The following SAXO1 variants were observed in gnomAD, a reference collection of about 807,000 sequenced individuals.
SAXO1 encodes the protein 4930500O09Rik.
A neutral mutation model predicts 17.5 loss-of-function variants in SAXO1; 21 were observed. The observed-to-expected ratio is 1.20, with a 90% CI of 0.85 to 1.72. The LOEUF is 1.72. Among genes scored for constraint, SAXO1 ranks in the 40% most tolerant of loss-of-function variants. SAXO1 has a pLI of 0.00. For missense variants in SAXO1, 843 were observed against 596.0 expected (o/e 1.41, Z -4.32); for synonymous variants, 274 against 216.5 (o/e 1.27, Z -2.33).
chr9:18,995,952 G>A (rs537553379), intron 1 of SAXO1, among the ~76,000 whole-genome samples: 3 of 151,888 alleles, frequency 2.0e-5, no homozygotes, highest in South Asian at 2.1e-4. Flanking sequence ...GGTGGTGTAC[G>A]CCTGTAATCC....
At chr9:18,986,108 T>C (rs1833582042) in intron 1 of SAXO1, among the ~76,000 whole-genome samples, 1 of 152,218 alleles carries the variant, frequency 6.6e-6, no homozygotes, top group Non-Finnish European at 1.5e-5. Flanking sequence ...ACTAATGGGC[T>C]TTTCTAGCTT....
At chr9:19,023,870 C>A (rs1835356964) in intron 1 of SAXO1, among the ~76,000 whole-genome samples, 1 of 151,950 alleles carries the variant, frequency 6.6e-6, no homozygotes, top group Non-Finnish European at 1.5e-5. Context: ...GGGGGCCAGG[C>A]ACAGTAGCTC....
At chr9:19,004,465 C>G (rs1183851522) in intron 1 of SAXO1, among the ~76,000 whole-genome samples, 1 of 152,174 alleles carries the variant, frequency 6.6e-6, no homozygotes, top group African/African-American at 2.4e-5. Flanking sequence ...TGGAACCAAC[C>G]CAAATGTCCA....
chr9:19,027,748 G>T lies in SAXO1; in HGVS notation c.38+5123C>A, dbSNP rs1013980951. ...ACAGCGAGAAGTCCGGGGACCGAGA[G>T]GTGCAGAGGACGATGCTGGAGCTTC... On this transcript the variant is annotated intron_variant, in intron 1 of 3. Transcript: ENST00000380534. 36 of 1,481,176 alleles carry T rather than the reference G, an allele frequency of 2.4e-5. No individual in the cohort carries two copies. In the African/African-American group the frequency reaches 5.0e-4, roughly 20 times the overall value. 91.8% of individuals were successfully genotyped at this position (1,481,176 alleles called of 1,614,324 possible).
chr9:19,010,012 A>G (rs1371121292), intron 1 of SAXO1, among the ~76,000 whole-genome samples: 1 of 152,008 alleles, frequency 6.6e-6, no homozygotes, highest in African/African-American at 2.4e-5. Flanking sequence ...TATTTTTTGT[A>G]GAGACAGGGT....
intron 1 of SAXO1, among the ~76,000 whole-genome samples, chr9:18,983,461 G>A (rs979049315): frequency 3.3e-5 from 5 of 152,174 alleles, no homozygotes; most frequent in African/African-American, 4.8e-5. Context: ...GGGACACAGA[G>A]CCAAACCATA....
In SAXO1 at chr9:18,928,905, A is replaced by G; in HGVS notation, c.572T>C (p.Leu191Pro). Reference sequence around the variant, plus strand: ...GATGTTACAGAGCTTTGGCATGGCCAGAGGTTTACAGCTTATGGTCTTCAC... The same window carrying G: ...GATGTTACAGAGCTTTGGCATGGCCGGAGGTTTACAGCTTATGGTCTTCAC... Reference protein sequence around the residue: ...GLVKTISCKPLAMPKLCNIPL... With the variant: ...GLVKTISCKPPAMPKLCNIPL... The change falls in exon 4 of 4, where the codon CTG (leucine) becomes CCG (proline). Residue 191 changes from leucine to proline, a missense_variant. By Grantham distance (98) the Leu-to-Pro change is moderately conservative. Coordinates refer to ENST00000380534, the MANE Select transcript of SAXO1 (RefSeq NM_153707.4). 1 of 1,614,200 alleles carries G rather than the reference A, an allele frequency of 6.2e-7. No homozygotes were observed. The highest frequency in any genetic ancestry group is 8.5e-7 in the Non-Finnish European group (1 of 1,180,036).
At chr9:18,995,734 A>T (rs764421335) in intron 1 of SAXO1, among the ~76,000 whole-genome samples, 57 of 152,350 alleles carry the variant, frequency 3.7e-4, no homozygotes, top group Admixed American at 5.9e-4. Flanking sequence ...AAAAATAAAG[A>T]AAATAAAAAC....
In SAXO1 at chr9:18,928,512, C is replaced by T; in HGVS notation, c.965G>A (p.Cys322Tyr). The change falls in exon 4 of 4, where the codon TGC (cysteine) becomes TAC (tyrosine). Residue 322 changes from cysteine (C) to tyrosine (Y), a missense_variant. Cys to Tyr is a radical substitution (Grantham distance 194). Coordinates refer to ENST00000380534, the MANE Select transcript of SAXO1 (RefSeq NM_153707.4). ...TCPKGAPAQS[C>Y]RPALQIKKCG... ...CTTCTTAATCTGAAGTGCAGGTCGG[C>T]AGGACTGAGCTGGGGCACCCTTAGG... 2.5e-6 allele frequency: 4 copies of T among 1,613,748 alleles called. No individual in the cohort carries two copies. The Admixed American group carries it at 6.7e-5, about 27-fold the overall frequency.
chr9:18,959,774 A>G (rs1358818687), intron 1 of SAXO1, among the ~76,000 whole-genome samples: 1 of 105,532 alleles, frequency 9.5e-6, no homozygotes, highest in Non-Finnish European at 1.7e-5. Context: ...TCTGTCTAAG[A>G]AAAAAAAAAA....
At chr9:18,978,626 G>C (rs1420992262) in intron 1 of SAXO1, among the ~76,000 whole-genome samples, 1 of 152,202 alleles carries the variant, frequency 6.6e-6, no homozygotes, top group African/African-American at 2.4e-5. Context: ...ACTGAACCCT[G>C]AATAATGGCT....
At chr9:18,941,330 C>T (rs1387925866) in intron 3 of SAXO1, among the ~76,000 whole-genome samples, 3 of 151,966 alleles carry the variant, frequency 2.0e-5, no homozygotes, top group Admixed American at 6.6e-5. Context: ...AAGTAGCCAT[C>T]GATACTGCGT....
At chr9:18,959,600 A>G (rs1374433691) in intron 1 of SAXO1, among the ~76,000 whole-genome samples, 1 of 152,032 alleles carries the variant, frequency 6.6e-6, no homozygotes, top group African/African-American at 2.4e-5. Context: ...GTGAAACCCC[A>G]TCTCTACCAA....
At chr9:19,043,544 A>T (rs545729193) in intron 1 of SAXO1, among the ~76,000 whole-genome samples, 2 of 152,260 alleles carry the variant, frequency 1.3e-5, no homozygotes, top group East Asian at 3.9e-4. Flanking sequence ...AGGCGGGCAG[A>T]TCACTTGAGC....
At chr9:19,027,464 A>G (rs1417396105) in intron 1 of SAXO1, 7 of 780,676 alleles carry the variant, frequency 9.0e-6, no homozygotes, top group Non-Finnish European at 1.2e-5. Flanking sequence ...TCAATGAACC[A>G]CAAGGAGAAG....
rs370472651 is a variant in SAXO1 at position 18,928,892 on chromosome 9, C to A, written c.585G>T (p.Lys195Asn). ...CATCCTCCAAGGGGATGTTACAGAG[C>A]TTTGGCATGGCCAGAGGTTTACAGC... The part of the protein sequence containing the change: ...TISCKPLAMP[K>N]LCNIPLEDVT... The change falls in exon 4 of 4, where the codon AAG becomes AAT. Residue 195 changes from lysine to asparagine, a missense_variant. Lys to Asn is a moderately conservative substitution (Grantham distance 94, BLOSUM62 0). Coordinates refer to ENST00000380534, the MANE Select transcript of SAXO1 (RefSeq NM_153707.4). The A allele has an allele frequency of 7.4e-6, 12 of 1,614,056 alleles. No homozygotes were observed. Among genetic ancestry groups the A allele is most frequent in the Admixed American group, 1.7e-5 (1 of 60,008 alleles).
Position 18,950,807 on chromosome 9 carries a change from G to A in SAXO1, c.169C>T (p.Arg57Trp), listed in dbSNP as rs746455480. The A allele has an allele frequency of 1.6e-5, 26 of 1,613,656 alleles. No individual in the cohort carries two copies. In the East Asian group the frequency reaches 2.0e-4, roughly 12 times the overall value. The change falls in exon 2 of 4, where the codon CGG (arginine) becomes TGG (tryptophan). Residue 57 changes from arginine (R) to tryptophan (W), a missense_variant. By Grantham distance (101) the Arg-to-Trp change is moderately radical (BLOSUM62 -3). Transcript: ENST00000380534. ...YLPRESFKPR[R>W]EYQKGPIPME... is the part of the protein sequence containing the mutation. ...GGTATAGGCCCTTTCTGGTACTCCC[G>A]CCTTGGCTTGAAGGACTCTCTGGGC... is the stretch of plus-strand genomic sequence containing the variant.
chr9:18,950,310 A>AG (rs1310685109), intron 2 of SAXO1, among the ~76,000 whole-genome samples: 1 of 152,146 alleles, frequency 6.6e-6, no homozygotes, highest in Non-Finnish European at 1.5e-5. Context: ...TTTTAAGGGG[A>AG]GAAAAAAAAG....
chr9:18,996,896 TA>T (rs1054042097), intron 1 of SAXO1, among the ~76,000 whole-genome samples: 2 of 151,238 alleles, frequency 1.3e-5, no homozygotes, highest in African/African-American at 4.9e-5. Flanking sequence ...AAGGAAGAGG[TA>T]AAATTATCTC....
Sources: allele counts gnomAD v4.1 joint callset (sites outside exome capture counted in the v4.1 genomes callset), GRCh38; gene constraint gnomAD v4.1.1; transcripts MANE v1.5; gene names NCBI Gene and HGNC (gene_info 2026-07-23, HGNC 2026-07-21).